Variants in TRANK1 observed in about 807,000 individuals in gnomAD.
The protein encoded by TRANK1 is tetratricopeptide repeat and ankyrin repeat containing 1.
Under a neutral mutation model 266.0 loss-of-function variants are expected in TRANK1, and 198 were observed. The ratio of observed to expected loss-of-function variants is 0.74; its 90% CI spans 0.66 to 0.84. TRANK1 has a LOEUF of 0.84. TRANK1 is among the 40% of genes least tolerant of loss of function. The pLI is 0.00. For synonymous variants in TRANK1, 1,396 were observed against 1,384.1 expected (o/e 1.01, Z -0.19); for missense variants, 3,326 against 3,634.6 (o/e 0.92, Z 2.18).
intron 4 of TRANK1, 25 bp from the exon 5 acceptor site, chr3:36,895,783 G>A: frequency 6.8e-7 from 1 of 1,461,998 alleles, no homozygotes; most frequent in Non-Finnish European, 9.2e-7. Flanking sequence ...CATAATTTAG[G>A]GATTTTAATG....
Position 36,855,632 on chromosome 3 carries a change from G to A in TRANK1, c.4090C>T (p.Pro1364Ser), listed in dbSNP as rs373886748. ...ACTTCTTCAGTGAGTCTCCCATGGG[G>A]ACAGCTGAGGGCCTCAAAAGAACCC... The part of the protein sequence containing the change: ...LKGSFEALSC[P>S]HGRLTEEVYK... The change falls in exon 13 of 24, where the codon CCC (proline) becomes TCC (serine). Residue 1364 changes from proline to serine, a missense_variant. Transcript: ENST00000645898. 2 of 1,613,816 alleles carry A rather than the reference G, an allele frequency of 1.2e-6. No individual in the cohort carries two copies. The highest frequency in any genetic ancestry group is 3.3e-5 in the Admixed American group (2 of 60,004).
At chr3:36,865,784 C>T (rs1338125763) in intron 9 of TRANK1, among the ~76,000 whole-genome samples, 1 of 151,810 alleles carries the variant, frequency 6.6e-6, no homozygotes, top group Non-Finnish European at 1.5e-5. Flanking sequence ...CAAAAATTAG[C>T]CAGGTGTAAT....
At chr3:36,936,929 C>G (rs111365300) in intron 1 of TRANK1, among the ~76,000 whole-genome samples, 59 of 151,430 alleles carry the variant, frequency 3.9e-4, no homozygotes, top group African/African-American at 1.4e-3. Context: ...TGATGAAATC[C>G]TGTCTCTACT....
rs76465876 is a variant in TRANK1 at position 36,850,143 on chromosome 3, C to A, written c.4887+1576G>T. On this transcript the variant is annotated intron_variant, in intron 15 of 23. Coordinates refer to ENST00000645898, the MANE Select transcript of TRANK1 (RefSeq NM_001329998.2). ...GGTACTTAATAAAGAACAGAAACAA[C>A]AAAGTCTTACCCTTCCTCTTTTAGG... 2.2e-4 allele frequency: 219 copies of A among 985,408 alleles called. 2 individuals carry two copies. The East Asian group carries it at 0.02, about 91-fold the overall frequency. The allele number at this position is 985,408 out of a possible 1,614,324, so 61.0% of individuals were successfully genotyped here.
chr3:36,930,152 G>C (rs1004978145), intron 1 of TRANK1, among the ~76,000 whole-genome samples: 1 of 152,140 alleles, frequency 6.6e-6, no homozygotes, highest in African/African-American at 2.4e-5. Context: ...GGGATTATAG[G>C]CATGAACCAC....
At chr3:36,854,430 A>C (rs2079024366) in intron 13 of TRANK1, among the ~76,000 whole-genome samples, 1 of 152,226 alleles carries the variant, frequency 6.6e-6, no homozygotes, top group Non-Finnish European at 1.5e-5. Context: ...CCAGTTACAG[A>C]AAGATATGTC....
At chr3:36,919,860 C>G (rs2080190608) in intron 1 of TRANK1, among the ~76,000 whole-genome samples, 1 of 152,086 alleles carries the variant, frequency 6.6e-6, no homozygotes, top group Admixed American at 6.6e-5. Flanking sequence ...TGTTGTGTGC[C>G]TTTTATTGGC....
chr3:36,879,892 G>GCAAATATATGTAAACATA (rs2079483137), intron 8 of TRANK1, among the ~76,000 whole-genome samples: 6 of 34,042 alleles, frequency 1.8e-4, no homozygotes, highest in South Asian at 1.3e-3. Flanking sequence ...ATGTAAACAT[G>GCAAATATATGTAAACATA]CAAATATATG....
At chr3:36,935,220 C>T (rs1161711356) in intron 1 of TRANK1, among the ~76,000 whole-genome samples, 2 of 152,290 alleles carry the variant, frequency 1.3e-5, no homozygotes, top group African/African-American at 2.4e-5. Flanking sequence ...TGCATGCCCA[C>T]CCCGGGAGGG....
chr3:36,903,461 T>C (rs1310961658), intron 2 of TRANK1, among the ~76,000 whole-genome samples, 186 bp from the exon 3 acceptor site: 1 of 152,256 alleles, frequency 6.6e-6, no homozygotes, highest in Non-Finnish European at 1.5e-5. Flanking sequence ...TATATAAATC[T>C]GTCCTTCCTC....
At chr3:36,880,632 C>T (rs1018807372) in intron 8 of TRANK1, 32 of 195,540 alleles carry the variant, frequency 1.6e-4, no homozygotes, top group Non-Finnish European at 2.8e-4. Flanking sequence ...CACTACACAT[C>T]AATCTACTAC....
chr3:36,877,201 C>CTTT (rs2079402655), intron 8 of TRANK1, among the ~76,000 whole-genome samples: 2 of 152,190 alleles, frequency 1.3e-5, no homozygotes, highest in Non-Finnish European at 2.9e-5. Flanking sequence ...CTTTCAAAAT[C>CTTT]CAAATGCATA....
chr3:36,941,371 G>A (rs535581966), intron 1 of TRANK1, among the ~76,000 whole-genome samples: 8 of 152,164 alleles, frequency 5.3e-5, no homozygotes, highest in African/African-American at 1.9e-4. Context: ...AGGCTCACAG[G>A]AGCTCACACA....
chr3:36,913,858 T>C (rs1021980720), intron 1 of TRANK1, among the ~76,000 whole-genome samples: 4 of 151,472 alleles, frequency 2.6e-5, no homozygotes, highest in Admixed American at 6.6e-5. Flanking sequence ...CAAAGCCCAG[T>C]AAAGTGGCCT....
intron 1 of TRANK1, among the ~76,000 whole-genome samples, chr3:36,911,563 C>T (rs926406594): frequency 4.9e-4 from 74 of 152,214 alleles, no homozygotes; most frequent in African/African-American, 1.7e-3. Context: ...TATTCACCCA[C>T]CTATGTTTCT....
At chr3:36,895,504 T>C in intron 5 of TRANK1, 136 bp downstream of exon 5, 2 of 551,952 alleles carry the variant, frequency 3.6e-6, no homozygotes, top group South Asian at 3.2e-5. Context: ...TTTTCATCTT[T>C]AATGATATCC....
intron 17 of TRANK1, among the ~76,000 whole-genome samples, chr3:36,845,631 A>C (rs1462999163): frequency 6.6e-6 from 1 of 152,184 alleles, no homozygotes; most frequent in Non-Finnish European, 1.5e-5. Flanking sequence ...CATTCTACCC[A>C]TACTGTTTTA....
At chr3:36,903,341 C>G (rs1016834618) in intron 2 of TRANK1, 66 bp from the exon 3 acceptor site, 7 of 1,497,434 alleles carry the variant, frequency 4.7e-6, no homozygotes, top group Non-Finnish European at 5.3e-6. Context: ...TGAAGTCCCC[C>G]CATTCGGTGC....
intron 3 of TRANK1, among the ~76,000 whole-genome samples, chr3:36,902,277 G>A (rs955975064): frequency 1.3e-5 from 2 of 152,196 alleles, no homozygotes; most frequent in Non-Finnish European, 2.9e-5. Context: ...TACTTATTAT[G>A]TAAAATATCC....
Sources: allele counts gnomAD v4.1 joint callset (sites outside exome capture counted in the v4.1 genomes callset), GRCh38; gene constraint gnomAD v4.1.1; transcripts MANE v1.5; gene names NCBI Gene and HGNC (gene_info 2026-07-23, HGNC 2026-07-21).